NDST4: variants seen among roughly 807,000 people sequenced by gnomAD.
NDST4 encodes N-deacetylase and N-sulfotransferase 4, also known as N-heparan sulfate sulfotransferase 4.
A neutral mutation model predicts 100.8 loss-of-function variants in NDST4; 63 were observed. That is an observed-to-expected ratio of 0.62 (90% CI 0.51 to 0.77). NDST4 has a LOEUF of 0.77. Ranked by LOEUF, NDST4 falls within the 30% of genes least tolerant of loss-of-function variation. The pLI is 0.00. For missense variants in NDST4, 943 were observed against 1,018.4 expected (o/e 0.93, Z 1.01); for synonymous variants, 377 against 361.8 (o/e 1.04, Z -0.48).
chr4:114,955,989 T>C (rs529364791), intron 4 of NDST4: 6 of 152,240 alleles, frequency 3.9e-5, no homozygotes, highest in African/African-American at 1.4e-4. Flanking sequence ...AGAAGTTCTA[T>C]TCTAGTTAAC....
At chr4:115,042,919 C>T (rs947769553) in intron 2 of NDST4, among the ~76,000 whole-genome samples, 2 of 151,926 alleles carry the variant, frequency 1.3e-5, no homozygotes, top group African/African-American at 4.8e-5. Context: ...GTATTTAGGT[C>T]TCCAAGCTTA....
chr4:114,886,303 T>C (rs1049533624), intron 6 of NDST4, among the ~76,000 whole-genome samples: 9 of 152,144 alleles, frequency 5.9e-5, no homozygotes, highest in African/African-American at 2.2e-4. Context: ...CAAGAAGTGC[T>C]GAGATATGTC....
intron 7 of NDST4, among the ~76,000 whole-genome samples, chr4:114,857,739 T>C (rs1408019853): frequency 1.3e-5 from 2 of 152,154 alleles, no homozygotes; most frequent in Non-Finnish European, 2.9e-5. Flanking sequence ...GATAGACTTA[T>C]AGCCAAAGGT....
chr4:114,908,698 A>T (rs1725002265), intron 6 of NDST4, among the ~76,000 whole-genome samples: 1 of 152,336 alleles, frequency 6.6e-6, no homozygotes, highest in African/African-American at 2.4e-5. Flanking sequence ...GAGACTAAAA[A>T]ATTGAGTAAA....
At chr4:115,027,342 C>A (rs1335031572) in intron 2 of NDST4, among the ~76,000 whole-genome samples, 1 of 152,132 alleles carries the variant, frequency 6.6e-6, no homozygotes, top group Non-Finnish European at 1.5e-5. Context: ...CCAACCCATG[C>A]ATTGATTTCT....
chr4:115,051,314 G>A (rs1364805084), intron 2 of NDST4, among the ~76,000 whole-genome samples: 3 of 151,548 alleles, frequency 2.0e-5, no homozygotes, highest in African/African-American at 7.3e-5. Flanking sequence ...TTTTATAGCG[G>A]TAAAATATAC....
At chr4:114,979,711 G>T (rs947913705) in intron 2 of NDST4, among the ~76,000 whole-genome samples, 5 of 151,884 alleles carry the variant, frequency 3.3e-5, no homozygotes, top group Non-Finnish European at 7.4e-5. Flanking sequence ...CAGATGGGGG[G>T]CTAGTTAGCT....
rs546895526 is a variant in NDST4, at chr4:114,966,646, A to T, written c.1221+3784T>A. Among the ~76,000 whole-genome samples, 349 of 152,192 alleles carry T rather than the reference A, an allele frequency of 2.3e-3. 1 individual carries two copies. Among genetic ancestry groups the T allele is most frequent in the Middle Eastern group, 6.8e-3 (2 of 294 alleles). On this transcript the variant is annotated intron_variant, in intron 4 of 13. Coordinates refer to ENST00000264363, the MANE Select transcript of NDST4 (RefSeq NM_022569.3). ...AATGAGGAATGTCAGAATAGAACTT[A>T]AAAAAAGGATTTAAAGACTTTTGAT...
At chr4:114,921,748 G>T (rs954089433) in intron 6 of NDST4, among the ~76,000 whole-genome samples, 1 of 152,098 alleles carries the variant, frequency 6.6e-6, no homozygotes, top group Non-Finnish European at 1.5e-5. Context: ...TTCTGAGTTT[G>T]GGTTATTAGA....
At chr4:115,073,749 G>A (rs1177638584) in intron 2 of NDST4, among the ~76,000 whole-genome samples, 1 of 151,812 alleles carries the variant, frequency 6.6e-6, no homozygotes, top group East Asian at 1.9e-4. Context: ...GATTCTAATA[G>A]TAACAATATA....
Position 115,076,268 on chromosome 4 carries a change from T to A in NDST4, c.769A>T (p.Ile257Phe). The A allele has an allele frequency of 6.2e-7, 1 of 1,613,992 alleles. No individual in the cohort carries two copies. Among genetic ancestry groups the A allele is most frequent in the Non-Finnish European group, 8.5e-7 (1 of 1,179,928 alleles). ...CCATCATGAAGCCCCAGATCCTGAA[T>A]CACCGTTGCAAAGAGTGTTTTGCTA... ...LSSKTLFATV[I>F]QDLGLHDGIQ... is the part of the protein sequence containing the mutation. Residue 257 changes from isoleucine to phenylalanine, a missense_variant, in exon 2 of 14, where the codon ATT becomes TTT. Transcript: ENST00000264363.
chr4:114,983,212 G>C (rs1726819365), intron 2 of NDST4, among the ~76,000 whole-genome samples: 1 of 152,218 alleles, frequency 6.6e-6, no homozygotes, highest in South Asian at 2.1e-4. Flanking sequence ...TAGTGGAGCT[G>C]TGAGAAGAGG....
At chr4:114,902,120 A>G (rs559709153) in intron 6 of NDST4, among the ~76,000 whole-genome samples, 3 of 152,166 alleles carry the variant, frequency 2.0e-5, no homozygotes, top group African/African-American at 7.2e-5. Context: ...TATGTGTTAG[A>G]TTAACTAAGA....
chr4:114,839,422 C>T lies in NDST4; in HGVS notation c.2242G>A (p.Ala748Thr). The T allele has an allele frequency of 1.9e-6, 3 of 1,613,612 alleles. No homozygotes were observed. Among genetic ancestry groups the T allele is most frequent in the Non-Finnish European group, 2.5e-6 (3 of 1,179,670 alleles). The change falls in exon 11 of 14, where the codon GCA becomes ACA. Residue 748 changes from alanine to threonine, a missense_variant. Coordinates refer to ENST00000264363, the MANE Select transcript of NDST4 (RefSeq NM_022569.3). ...GTTAGCCATCTTTCTATGTGGACTG[C>T]ATACCATCCAGGTACTAGGCATCTT... ...QRRCLVPGWY[A>T]VHIERWLTYF...
chr4:115,055,270 A>G (rs776811240), intron 2 of NDST4, among the ~76,000 whole-genome samples: 1 of 152,114 alleles, frequency 6.6e-6, no homozygotes, highest in Admixed American at 6.6e-5. Flanking sequence ...TTCATAATAT[A>G]TTACAATGTA....
At chr4:114,986,700 T>C (rs1356843568) in intron 2 of NDST4, among the ~76,000 whole-genome samples, 6 of 150,294 alleles carry the variant, frequency 4.0e-5, no homozygotes, top group East Asian at 2.0e-4. Flanking sequence ...TTGAATAAAA[T>C]GTGATCTCAT....
intron 2 of NDST4, among the ~76,000 whole-genome samples, chr4:115,059,579 C>A (rs1245842964): frequency 1.3e-5 from 2 of 151,960 alleles, no homozygotes; most frequent in African/African-American, 4.8e-5. Flanking sequence ...CCAAGGAGTT[C>A]TATTATTTTT....
At chr4:114,911,022 TC>T (rs1160236481) in intron 6 of NDST4, among the ~76,000 whole-genome samples, 3 of 152,222 alleles carry the variant, frequency 2.0e-5, no homozygotes, top group Non-Finnish European at 4.4e-5. Context: ...TACTGATTCT[TC>T]TCCATTCACT....
rs377041057 is a variant in NDST4 at position 114,845,898 on chromosome 4, G to A, written c.2040C>T (p.Ala680=). Residue 680 remains alanine (A), a synonymous_variant, in exon 10 of 14, where the codon GCC becomes GCT. Coordinates refer to ENST00000264363, the MANE Select transcript of NDST4 (RefSeq NM_022569.3). ...TCTTGGCTTTGGGGACAAGAGATGC[G>A]GCTCGTCTTGGAGCTTCTTCCGAAT... ...YFHSEEAPRR[A]ASLVPKAKII... 7.4e-6 allele frequency: 12 copies of A among 1,613,842 alleles called. No homozygotes were observed. The highest frequency in any genetic ancestry group is 2.2e-5 in the South Asian group (2 of 91,080).
Sources: allele counts gnomAD v4.1 joint callset (sites outside exome capture counted in the v4.1 genomes callset), GRCh38; gene constraint gnomAD v4.1.1; transcripts MANE v1.5; gene names NCBI Gene and HGNC (gene_info 2026-07-23, HGNC 2026-07-21).